COL8A1: variants seen among roughly 807,000 people sequenced by gnomAD.
The protein encoded by COL8A1 is collagen type VIII alpha 1 chain.
Under a neutral mutation model 42.7 loss-of-function variants are expected in COL8A1, and 21 were observed. The ratio of observed to expected loss-of-function variants is 0.49; its 90% confidence interval spans 0.35 to 0.71. The LOEUF (loss-of-function observed/expected upper bound fraction) is 0.71. Among genes scored for constraint, COL8A1 ranks in the 30% least tolerant of loss-of-function variants. The pLI, the probability that COL8A1 is intolerant of heterozygous loss-of-function variation, is 0.01. For synonymous variants in COL8A1, 367 were observed against 369.1 expected (o/e 0.99, Z 0.06); for missense variants, 788 against 962.4 (o/e 0.82, Z 2.40).
intron 1 of COL8A1, among the ~76,000 whole-genome samples, chr3:99,659,236 G>A (rs1250490975): frequency 6.6e-6 from 1 of 152,186 alleles, no homozygotes; most frequent in South Asian, 2.1e-4. Flanking sequence ...CTGGCTCGTG[G>A]TTGGACCTTA....
chr3:99,650,750 T>A (rs1243836237), intron 1 of COL8A1, among the ~76,000 whole-genome samples: 1 of 152,158 alleles, frequency 6.6e-6, no homozygotes, highest in African/African-American at 2.4e-5. Context: ...AGGTACTGGA[T>A]TTTTTACATT....
At chr3:99,726,617 G>A (rs1172658669) in intron 1 of COL8A1, among the ~76,000 whole-genome samples, 3 of 152,134 alleles carry the variant, frequency 2.0e-5, no homozygotes, top group African/African-American at 7.2e-5. Flanking sequence ...TCCAGTTTCA[G>A]CTTTCTACCT....
At chr3:99,708,434 T>A (rs1939742611) in intron 1 of COL8A1, among the ~76,000 whole-genome samples, 1 of 152,144 alleles carries the variant, frequency 6.6e-6, no homozygotes, top group Non-Finnish European at 1.5e-5. Flanking sequence ...GACACTCACT[T>A]CTCTAACTTG....
intron 1 of COL8A1, among the ~76,000 whole-genome samples, chr3:99,650,734 C>T (rs929085509): frequency 6.6e-6 from 1 of 152,160 alleles, no homozygotes; most frequent in Non-Finnish European, 1.5e-5. Context: ...GTGGCTAACA[C>T]AAATGAGGTA....
intron 1 of COL8A1, among the ~76,000 whole-genome samples, chr3:99,736,266 C>T (rs1940711432): frequency 6.6e-6 from 1 of 152,096 alleles, no homozygotes; most frequent in South Asian, 2.1e-4. Flanking sequence ...TTGGATCTTT[C>T]CTGCTTTCTC....
rs1939441000 is a variant in COL8A1 at position 99,698,394 on chromosome 3, T to C, written c.-128-46503T>C. On this transcript the variant is annotated intron_variant, in intron 1 of 3. Coordinates refer to ENST00000652472, the MANE Select transcript of COL8A1 (RefSeq NM_020351.4). ...CTAGATCCTTGAGGAATCGCCACAC[T>C]GTCTTCCACAATGTGTATTTTTCTT... 2.6e-5 allele frequency among the ~76,000 whole-genome samples: 4 copies of C among 152,268 alleles called. No homozygotes were observed. In the South Asian group the frequency reaches 8.3e-4, roughly 31 times the overall value.
chr3:99,793,692 C>CA (rs551015829), intron 3 of COL8A1, among the ~76,000 whole-genome samples: 130 of 152,146 alleles, frequency 8.5e-4, no homozygotes, highest in Non-Finnish European at 1.6e-3. Flanking sequence ...TATCAGTTAT[C>CA]AAAAAAATAC....
intron 1 of COL8A1, among the ~76,000 whole-genome samples, chr3:99,721,714 A>G (rs1335564823): frequency 6.6e-6 from 1 of 152,116 alleles, no homozygotes; most frequent in Non-Finnish European, 1.5e-5. Flanking sequence ...TTAATTAGCC[A>G]TTAGGTTTGA....
chr3:99,758,963 C>T (rs1332622310), intron 2 of COL8A1, among the ~76,000 whole-genome samples: 1 of 152,120 alleles, frequency 6.6e-6, no homozygotes, highest in Non-Finnish European at 1.5e-5. Flanking sequence ...GGCCTTGACA[C>T]TTGTTGAACA....
chr3:99,770,594 G>A (rs1197122466), intron 2 of COL8A1, among the ~76,000 whole-genome samples: 1 of 152,166 alleles, frequency 6.6e-6, no homozygotes, highest in African/African-American at 2.4e-5. Flanking sequence ...ATAAAAGAGA[G>A]AATGGAAAAG....
chr3:99,687,721 G>T (rs1016934366), intron 1 of COL8A1, among the ~76,000 whole-genome samples: 1 of 152,200 alleles, frequency 6.6e-6, no homozygotes, highest in East Asian at 1.9e-4. Context: ...GATTTGGTGA[G>T]AAATGTATTA....
chr3:99,731,231 G>A (rs780738700), intron 1 of COL8A1, among the ~76,000 whole-genome samples: 8 of 152,130 alleles, frequency 5.3e-5, no homozygotes, highest in Non-Finnish European at 1.2e-4. Flanking sequence ...ATATAAAAAT[G>A]AGTGCTTAAC....
intron 3 of COL8A1, 143 bp downstream of exon 3, chr3:99,791,153 C>A: frequency 1.3e-6 from 1 of 742,826 alleles, no homozygotes; most frequent in Non-Finnish European, 2.1e-6. Flanking sequence ...GTGTTCTAAC[C>A]ATATTCTTGA....
intron 2 of COL8A1, among the ~76,000 whole-genome samples, chr3:99,776,817 G>T (rs1019921261): frequency 6.6e-6 from 1 of 152,202 alleles, no homozygotes; most frequent in South Asian, 2.1e-4. Flanking sequence ...CTGGGAAAGG[G>T]GTAGGCAATT....
intron 2 of COL8A1, among the ~76,000 whole-genome samples, chr3:99,779,431 T>C (rs756616057): frequency 1.3e-5 from 2 of 152,232 alleles, no homozygotes; most frequent in Non-Finnish European, 2.9e-5. Flanking sequence ...CAGTAAAAGA[T>C]AGCCTAAATT....
intron 1 of COL8A1, among the ~76,000 whole-genome samples, chr3:99,695,012 A>G (rs1939328179): frequency 6.6e-6 from 1 of 152,170 alleles, no homozygotes; most frequent in Non-Finnish European, 1.5e-5. Context: ...AGTTAAGAGT[A>G]CTCATCTTAA....
intron 1 of COL8A1, among the ~76,000 whole-genome samples, chr3:99,712,505 G>A (rs1939866584): frequency 6.6e-6 from 1 of 152,088 alleles, no homozygotes; most frequent in African/African-American, 2.4e-5. Flanking sequence ...GCCCTGAATT[G>A]AAAACCAAAG....
intron 2 of COL8A1, among the ~76,000 whole-genome samples, chr3:99,779,316 C>T (rs1041723260): frequency 2.0e-5 from 3 of 152,054 alleles, no homozygotes; most frequent in African/African-American, 4.8e-5. Flanking sequence ...TTCAAGTCCC[C>T]CAAAACAGCA....
intron 1 of COL8A1, among the ~76,000 whole-genome samples, chr3:99,739,985 A>G (rs558623663): frequency 1.3e-5 from 2 of 152,256 alleles, no homozygotes; most frequent in Admixed American, 6.5e-5. Context: ...CTTCCACCAG[A>G]TACCCTAAAT....
Sources: gnomAD v4.1 joint callset for allele counts (sites outside exome capture counted in the v4.1 genomes callset) on GRCh38, gnomAD v4.1.1 for gene constraint, MANE v1.5 for transcripts, NCBI Gene and HGNC (gene_info 2026-07-23, HGNC 2026-07-21) for gene names.